Variants in ZFAT observed in about 807,000 individuals in gnomAD.
ZFAT encodes the protein zinc finger and AT-hook domain containing.
Under a neutral mutation model 117.7 loss-of-function variants are expected in ZFAT, and 64 were observed. The ratio of observed to expected loss-of-function variants is 0.54; its 90% CI spans 0.44 to 0.67. The LOEUF (loss-of-function observed/expected upper bound fraction) is 0.67, where lower values mean the gene tolerates loss of function less well. Among genes scored for constraint, ZFAT ranks in the 30% least tolerant of loss-of-function variants. The pLI is 0.00. For synonymous variants in ZFAT, 679 were observed against 615.0 expected, an observed-to-expected ratio of 1.10 and a Z score of -1.54; for missense variants, 1,433 against 1,584.5, an observed-to-expected ratio of 0.90 and a Z score of 1.62.
the ZFAT span, among the ~76,000 whole-genome samples, chr8:134,801,778 G>C: frequency 6.6e-6 from 1 of 152,044 alleles, no homozygotes; most frequent in Non-Finnish European, 1.5e-5. Context: ...CAAACTTCTG[G>C]ATTAATACAT....
intron 13 of ZFAT, among the ~76,000 whole-genome samples, chr8:134,514,437 T>C (rs1043787904): frequency 2.0e-5 from 3 of 152,204 alleles, no homozygotes; most frequent in Non-Finnish European, 4.4e-5. Context: ...TGTTTTTGCA[T>C]AGATGAAGAT....
Position 134,602,148 on chromosome 8 carries a change from G to C in ZFAT, c.1571C>G (p.Ala524Gly). 1 of 1,613,174 alleles carries C rather than the reference G, an allele frequency of 6.2e-7. No individual in the cohort carries two copies. The highest frequency in any genetic ancestry group is 8.5e-7 in the Non-Finnish European group (1 of 1,179,896). ...DQLQLVEEEF[A>G]LQGVNALKEE... Reference sequence around the variant, plus strand: ...CTTGAGTGCATTCACGCCCTGGAGGGCAAACTCCTCTTCCACCAGCTGTAG... The same window carrying C: ...CTTGAGTGCATTCACGCCCTGGAGGCCAAACTCCTCTTCCACCAGCTGTAG... The change falls in exon 6 of 16, where the codon GCC becomes GGC. Residue 524 changes from alanine to glycine, a missense_variant. Ala to Gly is a moderately conservative substitution (Grantham distance 60). Around this residue, in one of 5 missense-constraint regions of ZFAT, gnomAD observed 372 missense variants for 355.6 expected, o/e 1.05. Coordinates refer to ENST00000377838, the MANE Select transcript of ZFAT (RefSeq NM_020863.4).
the ZFAT span, among the ~76,000 whole-genome samples, chr8:134,756,163 T>C: frequency 6.6e-6 from 1 of 152,216 alleles, no homozygotes; most frequent in Admixed American, 6.5e-5. Flanking sequence ...CAGCTAAGAC[T>C]CTGGCATAAG....
intron 1 of ZFAT, among the ~76,000 whole-genome samples, chr8:134,681,032 TGTACACTGCTAG>T (rs1833046563): frequency 6.6e-6 from 1 of 152,210 alleles, no homozygotes; most frequent in East Asian, 1.9e-4. Flanking sequence ...GAGAAGATCA[TGTACACTGCTAG>T]GTGGCTTATC....
At chr8:134,747,500 G>A in the ZFAT span, among the ~76,000 whole-genome samples, 1 of 152,162 alleles carries the variant, frequency 6.6e-6, no homozygotes, top group Non-Finnish European at 1.5e-5. Flanking sequence ...TTTTTAAAAA[G>A]CATTTAACAC....
At chr8:134,724,373 C>G in the ZFAT span, among the ~76,000 whole-genome samples, 6 of 152,170 alleles carry the variant, frequency 3.9e-5, no homozygotes, top group Middle Eastern at 3.2e-3. Flanking sequence ...ACTGGCTAAT[C>G]AGAAAGAACG....
chr8:134,601,766 C>G lies in ZFAT; in HGVS notation c.1953G>C (p.Gln651His). 2 of 1,613,888 alleles carry G rather than the reference C, an allele frequency of 1.2e-6. No individual in the cohort carries two copies. The highest frequency in any genetic ancestry group is 1.7e-6 in the Non-Finnish European group (2 of 1,179,944). The change falls in exon 6 of 16, where the codon CAG becomes CAC. Residue 651 changes from glutamine (Q) to histidine (H), a missense_variant. Gln to His is a conservative substitution (Grantham distance 24, BLOSUM62 0). This residue lies in a region of ZFAT where 372 missense variants were observed against 355.6 expected (regional missense o/e 1.05). Coordinates refer to ENST00000377838, the MANE Select transcript of ZFAT (RefSeq NM_020863.4). ...TGTTCTGCCCTTCCCCTAGGGGGCT[C>G]TGGGCGCCATGGCTTTCCTGATCTG... ...AGSDQESHGA[Q>H]SPLGEGQNMA...
At chr8:134,766,484 C>G in the ZFAT span, 1 of 152,358 alleles carries the variant, frequency 6.6e-6, no homozygotes, top group South Asian at 2.1e-4. Context: ...TCATGCCCAT[C>G]TTGTTTGATG....
At chr8:134,674,560 C>T (rs757326372) in intron 1 of ZFAT, among the ~76,000 whole-genome samples, 14 of 152,362 alleles carry the variant, frequency 9.2e-5, no homozygotes, top group Non-Finnish European at 2.1e-4. Flanking sequence ...TGGGTGGAGC[C>T]TCAGCAGTCT....
intron 3 of ZFAT, among the ~76,000 whole-genome samples, chr8:134,627,686 C>T (rs1007670913): frequency 8.5e-5 from 13 of 152,132 alleles, no homozygotes; most frequent in Non-Finnish European, 1.8e-4. Context: ...AGATATTGTA[C>T]AGTTCTTGTG....
At chr8:134,741,724 T>C in the ZFAT span, among the ~76,000 whole-genome samples, 3 of 152,098 alleles carry the variant, frequency 2.0e-5, no homozygotes, top group African/African-American at 7.2e-5. Context: ...TCATACACTC[T>C]GCCTACTTGG....
chr8:134,786,308 C>T, the ZFAT span, among the ~76,000 whole-genome samples: 1 of 152,176 alleles, frequency 6.6e-6, no homozygotes, highest in South Asian at 2.1e-4. Context: ...ATACAATATC[C>T]CATTCCTGTA....
At position 134,512,558 on chromosome 8, in the gene ZFAT, T is replaced by C; in HGVS notation, c.3278A>G (p.His1093Arg). The C allele has an allele frequency of 1.2e-6, 2 of 1,613,996 alleles. No individual in the cohort carries two copies. The highest frequency in any genetic ancestry group is 1.7e-6 in the Non-Finnish European group (2 of 1,179,890). The change falls in exon 14 of 16, where the codon CAC becomes CGC. Residue 1093 changes from histidine to arginine, a missense_variant. Around this residue, in one of 5 missense-constraint regions of ZFAT, gnomAD observed 503 missense variants for 543.4 expected, o/e 0.93. Coordinates refer to ENST00000377838, the MANE Select transcript of ZFAT (RefSeq NM_020863.4). ...APEEPSTQYL[H>R]ITEAEEDVQG... Reference sequence around the variant, plus strand: ...AACGTCTTCTTCGGCCTCTGTGATGTGGAGATACTGGGTGGAGGGCTCCTC... The same window carrying C: ...AACGTCTTCTTCGGCCTCTGTGATGCGGAGATACTGGGTGGAGGGCTCCTC...
intron 15 of ZFAT, among the ~76,000 whole-genome samples, chr8:134,495,968 C>T (rs776106272): frequency 6.6e-6 from 1 of 152,090 alleles, no homozygotes; most frequent in Non-Finnish European, 1.5e-5. Context: ...CCACCCTGGA[C>T]TCCTGATGCC....
the ZFAT span, among the ~76,000 whole-genome samples, chr8:134,813,801 TACACACACACACACAC>T: frequency 1.3e-4 from 19 of 147,030 alleles, no homozygotes; most frequent in African/African-American, 4.0e-4. Flanking sequence ...TTTGATTTTA[TACACACACACACACAC>T]ACACACACAC....
the ZFAT span, among the ~76,000 whole-genome samples, chr8:134,803,831 A>T: frequency 2.6e-5 from 4 of 152,246 alleles, no homozygotes; most frequent in Admixed American, 6.5e-5. Flanking sequence ...CTGACCTCAG[A>T]AAGCTTATAA....
At chr8:134,579,783 T>C (rs1825591030) in intron 10 of ZFAT, among the ~76,000 whole-genome samples, 1 of 151,838 alleles carries the variant, frequency 6.6e-6, no homozygotes, top group Admixed American at 6.6e-5. Flanking sequence ...AAACCCCATC[T>C]CTACCAAAAA....
At chr8:134,615,693 A>G (rs1828673510) in intron 3 of ZFAT, among the ~76,000 whole-genome samples, 1 of 152,168 alleles carries the variant, frequency 6.6e-6, no homozygotes, top group African/African-American at 2.4e-5. Context: ...GACTGCCCCA[A>G]ATACACACCT....
chr8:134,572,100 A>G (rs966626771), intron 10 of ZFAT, among the ~76,000 whole-genome samples: 7 of 152,244 alleles, frequency 4.6e-5, no homozygotes, highest in African/African-American at 1.7e-4. Flanking sequence ...TACACAACTC[A>G]TGGATCACCT....
Sources: allele counts gnomAD v4.1 joint callset (sites outside exome capture counted in the v4.1 genomes callset), GRCh38; gene constraint gnomAD v4.1.1; regional missense constraint gnomAD v4.1.1; transcripts MANE v1.5; gene names NCBI Gene and HGNC (gene_info 2026-07-23, HGNC 2026-07-21).